MYT1: variants seen among roughly 807,000 people sequenced by gnomAD.
MYT1 encodes the protein myelin transcription factor I.
A neutral mutation model predicts 123.0 loss-of-function variants in MYT1; 23 were observed. That is an observed-to-expected ratio of 0.19 (90% CI 0.13 to 0.26). MYT1 has a LOEUF of 0.26. Ranked by LOEUF, MYT1 falls within the 10% of genes least tolerant of loss-of-function variation. MYT1 has a pLI of 1.00. For missense variants in MYT1, 1,125 were observed against 1,472.5 expected, an observed-to-expected ratio of 0.76 and a Z score of 3.86; for synonymous variants, 518 against 575.3, an observed-to-expected ratio of 0.90 and a Z score of 1.43.
Position 64,227,938 on chromosome 20 carries a change from C to T in MYT1, c.2642C>T (p.Thr881Ile). 2 of 1,614,094 alleles carry T rather than the reference C, an allele frequency of 1.2e-6. No homozygotes were observed. The highest frequency in any genetic ancestry group is 1.7e-6 in the Non-Finnish European group (2 of 1,179,992). The change falls in exon 18 of 23, where the codon ACC (threonine) becomes ATC (isoleucine). Residue 881 changes from threonine (T) to isoleucine (I), a missense_variant. By Grantham distance (89) the Thr-to-Ile change is moderately conservative (BLOSUM62 -1). This residue lies in a region of MYT1 where 243 missense variants were observed against 323.1 expected (regional missense o/e 0.75). Transcript: ENST00000328439. ...AKKSGVKVAP[T>I]KDDKEDPELM... ...AAAAGTGGAGTCAAGGTGGCACCCA[C>T]CAAGGACGACAAGGAGGACCCCGAG...
At position 64,185,320 on chromosome 20, in the gene MYT1, G is replaced by T. The variant is rs1414003486; in HGVS notation, c.-98-4743G>T. On this transcript the variant is annotated intron_variant, in intron 1 of 22. Transcript: ENST00000328439. The surrounding 1 kb of genome is among the most constrained non-coding windows in gnomAD (Gnocchi z 4.5). ...AGACCCCATCTCCTGTGCTGGAGAC[G>T]GAGGAGGGCTGAGGGGGTGCATGGG... Among the ~76,000 whole-genome samples, 3 of 152,160 alleles carry T rather than the reference G, an allele frequency of 2.0e-5. No homozygotes were observed. The highest frequency in any genetic ancestry group is 6.5e-5 in the Admixed American group (1 of 15,274).
intron 1 of MYT1, among the ~76,000 whole-genome samples, chr20:64,179,772 G>T (rs573165362): frequency 6.6e-6 from 1 of 151,934 alleles, no homozygotes; most frequent in African/African-American, 2.4e-5. Flanking sequence ...AGTGGACATG[G>T]CTGGGAAGAC....
intron 20 of MYT1, 50 bp from the exon 21 acceptor site, chr20:64,237,237 C>T: frequency 6.5e-7 from 1 of 1,527,920 alleles, no homozygotes; most frequent in Non-Finnish European, 9.0e-7. Context: ...CACTTTGGCC[C>T]AGGCCTGCCT....
chr20:64,201,923 G>A (rs980220626), intron 4 of MYT1, among the ~76,000 whole-genome samples: 2 of 142,256 alleles, frequency 1.4e-5, no homozygotes, highest in Admixed American at 7.0e-5. Context: ...CCCGCGTGTC[G>A]GGAACCCCCG....
At chr20:64,173,951 CCTG>C (rs1402441280) in intron 1 of MYT1, among the ~76,000 whole-genome samples, 1 of 7,792 alleles carries the variant, frequency 1.3e-4, no homozygotes, top group African/African-American at 6.4e-4. Context: ...AGCATCTTTC[CCTG>C]TAGTTGTGTC....
At chr20:64,209,645 A>G (rs1983606850) in intron 7 of MYT1, among the ~76,000 whole-genome samples, 1 of 152,188 alleles carries the variant, frequency 6.6e-6, no homozygotes, top group South Asian at 2.1e-4. Context: ...CCACGAACCA[A>G]AAATGCAGGA....
chr20:64,189,259 A>G lies in MYT1; in HGVS notation c.-98-804A>G, dbSNP rs1034940442. On this transcript the variant is annotated intron_variant, in intron 1 of 22. Transcript: ENST00000328439. The surrounding 1 kb of genome is among the most constrained non-coding windows in gnomAD (Gnocchi z 5.5). ...CACGAGAATATTCATTTCCTGTTTC[A>G]TTGTTGGTTACTTAATGACCTTCCT... 2.6e-5 allele frequency among the ~76,000 whole-genome samples: 4 copies of G among 152,224 alleles called. No individual in the cohort carries two copies. Among genetic ancestry groups the G allele is most frequent in the African/African-American group, 9.7e-5 (4 of 41,448 alleles).
chr20:64,172,892 C>A (rs1254646106), intron 1 of MYT1, among the ~76,000 whole-genome samples: 1 of 151,894 alleles, frequency 6.6e-6, no homozygotes, highest in Non-Finnish European at 1.5e-5. Context: ...CCACACCTGG[C>A]TAATTTTTGT....
chr20:64,236,497 G>A (rs1239443809), intron 19 of MYT1, 58 bp from the exon 20 acceptor site: 29 of 1,425,890 alleles, frequency 2.0e-5, no homozygotes, highest in Non-Finnish European at 2.7e-5. Flanking sequence ...ATGTGACCCT[G>A]GGATGGTCGT....
intron 8 of MYT1, 90 bp from the exon 9 acceptor site, chr20:64,211,958 G>T: frequency 9.1e-7 from 1 of 1,096,268 alleles, no homozygotes; most frequent in Non-Finnish European, 1.4e-6. Flanking sequence ...CAAGGCTCCT[G>T]CACCCTCCTC....
At position 64,232,863 on chromosome 20, in the gene MYT1, C is replaced by T. The variant is rs1027403833; in HGVS notation, c.2897+478C>T. ...CTTCTTTGAACTCTGGGCAGAGACC[C>T]CTGCCTGCCTTGCAAGGGAGCTGGT... On this transcript the variant is annotated intron_variant, in intron 19 of 22. Coordinates refer to ENST00000328439, the MANE Select transcript of MYT1 (RefSeq NM_004535.3). This position sits in a 1 kb window ranked among gnomAD's most constrained non-coding sequence, Gnocchi z 6.9. 6.6e-5 allele frequency among the ~76,000 whole-genome samples: 10 copies of T among 152,062 alleles called. No homozygotes were observed. Among genetic ancestry groups the T allele is most frequent in the African/African-American group, 2.4e-4 (10 of 41,452 alleles).
At position 64,193,534 on chromosome 20, in the gene MYT1, A is replaced by G. The variant is rs1237217692; in HGVS notation, c.-1+3374A>G. The stretch of plus-strand genomic sequence containing the variant: ...CTGCCCTCAGTACATAAATGAGAGA[A>G]GAAAACAGGCCAGACCATGGCTCTG... On this transcript the variant is annotated intron_variant, in intron 2 of 22. Coordinates refer to ENST00000328439, the MANE Select transcript of MYT1 (RefSeq NM_004535.3). This position sits in a 1 kb window ranked among gnomAD's most constrained non-coding sequence, Gnocchi z 4.0. Among the ~76,000 whole-genome samples the G allele has an allele frequency of 1.3e-5, 2 of 152,192 alleles. No homozygotes were observed. The highest frequency in any genetic ancestry group is 2.4e-5 in the African/African-American group (1 of 41,444).
rs1983119027 is a variant in MYT1 at position 64,196,336 on chromosome 20, A to G, written c.1-2526A>G. 6.6e-6 allele frequency among the ~76,000 whole-genome samples: 1 copy of G among 152,262 alleles called. No homozygotes were observed. Among genetic ancestry groups the G allele is most frequent in the South Asian group, 2.1e-4 (1 of 4,834 alleles). On this transcript the variant is annotated intron_variant, in intron 2 of 22. Transcript: ENST00000328439. The surrounding 1 kb of genome is among the most constrained non-coding windows in gnomAD (Gnocchi z 4.3). Reference sequence around the variant, plus strand: ...TGGTGCTGGGCACAGGGCCGCCCCCAGCACCCGCTCTCCATCTACCACATC... The same window carrying G: ...TGGTGCTGGGCACAGGGCCGCCCCCGGCACCCGCTCTCCATCTACCACATC...
intron 16 of MYT1, among the ~76,000 whole-genome samples, chr20:64,227,017 C>T (rs531607403): frequency 6.6e-6 from 1 of 152,354 alleles, no homozygotes; most frequent in Non-Finnish European, 1.5e-5. Flanking sequence ...CTCTGAATGC[C>T]TTTAGTCCAG....
chr20:64,177,675 C>A (rs1187635315), intron 1 of MYT1, among the ~76,000 whole-genome samples: 3 of 150,612 alleles, frequency 2.0e-5, no homozygotes, highest in Non-Finnish European at 3.0e-5. Flanking sequence ...CAAGAGGGTA[C>A]CCCTCTCCGG....
At chr20:64,179,683 C>T (rs780617436) in intron 1 of MYT1, among the ~76,000 whole-genome samples, 15 of 151,982 alleles carry the variant, frequency 9.9e-5, no homozygotes, top group Non-Finnish European at 2.2e-4. Flanking sequence ...TTGTTCTTGC[C>T]TTTCCTGCTT....
In MYT1 at chr20:64,222,020, C is replaced by G. The variant is rs1984020733; in HGVS notation, c.2369C>G (p.Ser790Cys). ...ACCAACTTTAAGCTGAAGTTTCTCT[C>G]CAAGGACATAAAGAAGGAGCTGCTC... ...TLTNFKLKFL[S>C]KDIKKELLTC... The change falls in exon 14 of 23, where the codon TCC (serine) becomes TGC (cysteine). Residue 790 changes from serine (S) to cysteine (C), a missense_variant. By Grantham distance (112) the Ser-to-Cys change is moderately radical (BLOSUM62 -1). Coordinates refer to ENST00000328439, the MANE Select transcript of MYT1 (RefSeq NM_004535.3). The G allele has an allele frequency of 1.9e-6, 3 of 1,612,936 alleles. No individual in the cohort carries two copies. The African/African-American group carries it at 4.0e-5, about 22-fold the overall frequency.
At chr20:64,235,536 G>T (rs1161001697) in intron 19 of MYT1, among the ~76,000 whole-genome samples, 3 of 134,402 alleles carry the variant, frequency 2.2e-5, no homozygotes, top group South Asian at 2.5e-4. Context: ...TATGTGACCC[G>T]GGGCTGGCCG....
chr20:64,181,542 C>G (rs537623578), intron 1 of MYT1, among the ~76,000 whole-genome samples: 4 of 152,222 alleles, frequency 2.6e-5, no homozygotes, highest in African/African-American at 9.7e-5. Context: ...CAAACAAGTC[C>G]TCCTGTCACT....
Sources: gnomAD v4.1 joint callset for allele counts (sites outside exome capture counted in the v4.1 genomes callset) on GRCh38, gnomAD v4.1.1 for gene constraint, gnomAD v4.1.1 regional missense constraint, Gnocchi (gnomAD v3.1) non-coding constraint, MANE v1.5 for transcripts, NCBI Gene and HGNC (gene_info 2026-07-23, HGNC 2026-07-21) for gene names.